The following NDST4 variants were observed in gnomAD, a reference collection of about 807,000 sequenced individuals.
The protein encoded by NDST4 is N-heparan sulfate sulfotransferase 4.
NDST4 carries 63 observed loss-of-function variants against 100.8 expected under a neutral mutation model. The observed-to-expected ratio is 0.62, with a 90% confidence interval of 0.51 to 0.77. The LOEUF (loss-of-function observed/expected upper bound fraction) is 0.77. Among genes scored for constraint, NDST4 ranks in the 30% least tolerant of loss-of-function variants. The pLI is 0.00. For synonymous variants in NDST4, 377 were observed against 361.8 expected (o/e 1.04, Z -0.48); for missense variants, 943 against 1,018.4 (o/e 0.93, Z 1.01).
intron 4 of NDST4, among the ~76,000 whole-genome samples, chr4:114,946,514 A>G (rs1725866891): frequency 6.6e-6 from 1 of 152,196 alleles, no homozygotes; most frequent in Non-Finnish European, 1.5e-5. Context: ...GTTAAGGTAA[A>G]AAGTTGTGAC....
chr4:114,923,581 C>T (rs1725330049), intron 6 of NDST4, among the ~76,000 whole-genome samples: 1 of 152,066 alleles, frequency 6.6e-6, no homozygotes, highest in African/African-American at 2.4e-5. Context: ...TACTTTCTCA[C>T]CAACTCATTA....
At chr4:114,991,770 A>G (rs1025851015) in intron 2 of NDST4, among the ~76,000 whole-genome samples, 1 of 152,080 alleles carries the variant, frequency 6.6e-6, no homozygotes, top group Non-Finnish European at 1.5e-5. Flanking sequence ...TAATGTGCTT[A>G]TATTACAAAC....
chr4:114,973,333 G>A (rs186215204), intron 3 of NDST4, among the ~76,000 whole-genome samples: 26 of 151,614 alleles, frequency 1.7e-4, no homozygotes, highest in Admixed American at 1.1e-3. Flanking sequence ...TATGTGACCA[G>A]ATTAGCACAT....
At chr4:115,031,551 G>A (rs910642733) in intron 2 of NDST4, among the ~76,000 whole-genome samples, 4 of 151,940 alleles carry the variant, frequency 2.6e-5, no homozygotes, top group Non-Finnish European at 5.9e-5. Context: ...CTGAACTCCA[G>A]GGAACTCTGT....
At chr4:114,901,705 A>C (rs1027877027) in intron 6 of NDST4, among the ~76,000 whole-genome samples, 1 of 150,690 alleles carries the variant, frequency 6.6e-6, no homozygotes, top group African/African-American at 2.4e-5. Flanking sequence ...CTTTGTTTCT[A>C]TTTTTGTCTT....
intron 6 of NDST4, among the ~76,000 whole-genome samples, chr4:114,896,662 C>A (rs1415087254): frequency 6.6e-6 from 1 of 151,486 alleles, no homozygotes; most frequent in Non-Finnish European, 1.5e-5. Flanking sequence ...TAAAATACTG[C>A]ATTTTAGAAG....
chr4:114,916,698 T>G (rs1725181901), intron 6 of NDST4, among the ~76,000 whole-genome samples: 1 of 151,630 alleles, frequency 6.6e-6, no homozygotes, highest in Non-Finnish European at 1.5e-5. Context: ...AGTTATATTT[T>G]TTATTCTTTT....
chr4:115,047,912 T>C lies in NDST4; in HGVS notation c.978+28147A>G, dbSNP rs1162689870. Among the ~76,000 whole-genome samples the C allele has an allele frequency of 2.0e-5, 3 of 152,104 alleles. No homozygotes were observed. In the East Asian group the frequency reaches 5.8e-4, roughly 29 times the overall value. ...TCAAATTGTAATAGAATTAATAATA[T>C]TTGATTTTTTTCAACCTTTTTAAAA... is the stretch of plus-strand genomic sequence containing the variant. On this transcript the variant is annotated intron_variant, in intron 2 of 13. Coordinates refer to ENST00000264363, the MANE Select transcript of NDST4 (RefSeq NM_022569.3).
intron 2 of NDST4, among the ~76,000 whole-genome samples, chr4:115,013,612 T>C (rs572152232): frequency 6.6e-6 from 1 of 151,746 alleles, no homozygotes; most frequent in Non-Finnish European, 1.5e-5. Flanking sequence ...TACGGGCTTA[T>C]GGAGGTCAGG....
In NDST4 at chr4:114,988,669, T is replaced by A. The variant is rs540273456; in HGVS notation, c.979-11395A>T. Among the ~76,000 whole-genome samples the A allele has an allele frequency of 7.9e-5, 12 of 152,144 alleles. No homozygotes were observed. The South Asian group carries it at 2.5e-3, about 32-fold the overall frequency. ...AGCCACCATGCCCGGCCTACATACG[T>A]CTTTAAATGTGTACCCCCAAAACCA... On this transcript the variant is annotated intron_variant, in intron 2 of 13. Coordinates refer to ENST00000264363, the MANE Select transcript of NDST4 (RefSeq NM_022569.3).
chr4:115,080,134 T>C (rs1216185993), intron 1 of NDST4, among the ~76,000 whole-genome samples: 1 of 152,044 alleles, frequency 6.6e-6, no homozygotes, highest in Non-Finnish European at 1.5e-5. Flanking sequence ...ATTTTATTTG[T>C]TTCATTTATT....
chr4:115,082,974 T>C (rs1460307580), intron 1 of NDST4, among the ~76,000 whole-genome samples: 1 of 152,242 alleles, frequency 6.6e-6, no homozygotes, highest in African/African-American at 2.4e-5. Context: ...AGCTGTGTTG[T>C]AAATTGGAAT....
At chr4:115,088,220 A>G (rs1729445555) in intron 1 of NDST4, among the ~76,000 whole-genome samples, 1 of 151,984 alleles carries the variant, frequency 6.6e-6, no homozygotes, top group Non-Finnish European at 1.5e-5. Flanking sequence ...GCAGGGAGCC[A>G]AGCTGACTCC....
chr4:115,030,670 T>A (rs1427214084), intron 2 of NDST4, among the ~76,000 whole-genome samples: 1 of 152,124 alleles, frequency 6.6e-6, no homozygotes, highest in Non-Finnish European at 1.5e-5. Flanking sequence ...ACTGATCATA[T>A]AAGTGTGTAA....
intron 7 of NDST4, among the ~76,000 whole-genome samples, chr4:114,867,665 C>CAAAAAAAAAAAAAAAAAAG: frequency 3.8e-5 from 3 of 79,898 alleles, no homozygotes; most frequent in Admixed American, 1.8e-4. Flanking sequence ...AAAAAAAAAG[C>CAAAAAAAAAAAAAAAAAAG]AAAAAAAAAA....
intron 7 of NDST4, among the ~76,000 whole-genome samples, chr4:114,857,884 T>G (rs1005582666): frequency 1.3e-5 from 2 of 152,006 alleles, no homozygotes; most frequent in Non-Finnish European, 2.9e-5. Flanking sequence ...CCTATGATAG[T>G]GTCCAAAGTG....
intron 6 of NDST4, among the ~76,000 whole-genome samples, chr4:114,901,603 T>C (rs1724840136): frequency 6.6e-6 from 1 of 151,976 alleles, no homozygotes; most frequent in Admixed American, 6.6e-5. Flanking sequence ...TATCTTCTAC[T>C]TGATGTACTT....
chr4:115,015,422 T>C (rs1435089465), intron 2 of NDST4, among the ~76,000 whole-genome samples: 1 of 152,066 alleles, frequency 6.6e-6, no homozygotes, highest in Non-Finnish European at 1.5e-5. Context: ...TTTCATCTAG[T>C]TGTTCATTTT....
chr4:115,078,654 G>C (rs1177292473), intron 1 of NDST4, among the ~76,000 whole-genome samples: 1 of 151,896 alleles, frequency 6.6e-6, no homozygotes, highest in Non-Finnish European at 1.5e-5. Context: ...GCCTGGTAGG[G>C]ATAGTGAAAC....
Sources: gnomAD v4.1 joint callset for allele counts (sites outside exome capture counted in the v4.1 genomes callset) on GRCh38, gnomAD v4.1.1 for gene constraint, MANE v1.5 for transcripts, NCBI Gene and HGNC (gene_info 2026-07-23, HGNC 2026-07-21) for gene names.